DYNC2I2: variants seen among roughly 807,000 people sequenced by gnomAD.
DYNC2I2 encodes cytoplasmic dynein 2 intermediate chain 2.
In DYNC2I2, 39 loss-of-function variants were observed where a neutral mutation model predicts 52.0. The ratio of observed to expected loss-of-function variants is 0.75; its 90% CI spans 0.58 to 0.98. The LOEUF is 0.98. Ranked by LOEUF, DYNC2I2 falls within the 50% of genes least tolerant of loss-of-function variation. DYNC2I2 has a pLI of 0.00. For missense variants in DYNC2I2, 743 were observed against 728.4 expected (o/e 1.02, Z -0.23); for synonymous variants, 359 against 321.1 (o/e 1.12, Z -1.26).
At position 128,633,668 on chromosome 9, in the gene DYNC2I2, G is replaced by A. The variant is rs955048631; in HGVS notation, c.*76C>T. The A allele has an allele frequency of 5.4e-6, 8 of 1,494,542 alleles. No homozygotes were observed. The highest frequency in any genetic ancestry group is 7.3e-6 in the Non-Finnish European group (8 of 1,101,018). The allele number at this position is 1,494,542 out of a possible 1,614,324, so 92.6% of individuals were successfully genotyped here. On this transcript the variant is annotated 3_prime_UTR_variant, in exon 9 of 9. Coordinates refer to ENST00000372715, the MANE Select transcript of DYNC2I2 (RefSeq NM_052844.4). ...AAATGATGACTTCCCCCAAAGCTTT[G>A]CTTTTCTTCATTTGGCTTGCGTCAG...
At chr9:128,668,926 G>A in the DYNC2I2 span, among the ~76,000 whole-genome samples, 1 of 151,734 alleles carries the variant, frequency 6.6e-6, no homozygotes, top group Admixed American at 6.6e-5. Context: ...GCTAAGGAGT[G>A]TATAACAACT....
chr9:128,645,616 CAAAAAAAAAAAA>C lies in DYNC2I2; in HGVS notation c.187-4689_187-4678del, dbSNP rs59742854. On this transcript the variant is annotated intron_variant, in intron 1 of 8. Coordinates refer to ENST00000372715, the MANE Select transcript of DYNC2I2 (RefSeq NM_052844.4). ...TGGGCAACAAAGTGAGACTCCATCT[CAAAAAAAAAAAA>C]AAAAAAAAAAAAAAAGGTAAGCCAA... is the stretch of plus-strand genomic sequence containing the variant. 7.8e-5 allele frequency among the ~76,000 whole-genome samples: 5 copies of C among 63,954 alleles called. No homozygotes were observed. In the South Asian group the frequency reaches 3.7e-3, roughly 47 times the overall value. The allele number at this position is 63,954 out of a possible 152,430, so 42.0% of individuals were successfully genotyped here. A position where few individuals can be genotyped will look rare whatever the true frequency, so the allele number is the denominator to read the frequency against.
Position 128,656,700 on chromosome 9 carries a change from T to G in DYNC2I2, c.27A>C (p.Pro9=). 1 of 1,455,310 alleles carries G rather than the reference T, an allele frequency of 6.9e-7. No homozygotes were observed. Among genetic ancestry groups the G allele is most frequent in the Non-Finnish European group, 9.0e-7 (1 of 1,115,528 alleles). 90.1% of individuals were successfully genotyped at this position (1,455,310 alleles called of 1,614,324 possible). A position where few individuals can be genotyped will look rare whatever the true frequency, so the allele number is the denominator to read the frequency against. MATRAQPG[P]LSQAGSAGVA... ...CACCAGCGCTTCCCGCCTGGCTGAG[T>G]GGCCCCGGCTGCGCGCGGGTTGCCA... The change falls in exon 1 of 9, where the codon CCA becomes CCC. Residue 9 remains proline, a synonymous_variant. Coordinates refer to ENST00000372715, the MANE Select transcript of DYNC2I2 (RefSeq NM_052844.4).
chr9:128,681,079 G>C, the DYNC2I2 span, among the ~76,000 whole-genome samples: 1 of 152,070 alleles, frequency 6.6e-6, no homozygotes, highest in East Asian at 1.9e-4. Flanking sequence ...ATCATTCCGA[G>C]TACCAGTCAT....
chr9:128,678,198 T>A, the DYNC2I2 span, among the ~76,000 whole-genome samples: 3 of 150,962 alleles, frequency 2.0e-5, no homozygotes, highest in Non-Finnish European at 4.4e-5. Context: ...GCCTCCCGAG[T>A]AGCTAGGATT....
At chr9:128,661,304 C>CAAAAAAAA (rs34937317), upstream of DYNC2I2, among the ~76,000 whole-genome samples, 3 of 62,218 alleles carry the variant, frequency 4.8e-5, no homozygotes, top group Non-Finnish European at 1.1e-4. Context: ...GACTCCATCT[C>CAAAAAAAA]AAAAAAAAAA....
upstream of DYNC2I2, among the ~76,000 whole-genome samples, chr9:128,660,929 C>T (rs1860910381): frequency 6.6e-6 from 1 of 151,416 alleles, no homozygotes; most frequent in Admixed American, 6.6e-5. Context: ...GGGGTTTCAC[C>T]ATATTGGCCA....
At chr9:128,634,074 T>G in intron 8 of DYNC2I2, 92 bp from the exon 9 acceptor site, 1 of 1,558,940 alleles carries the variant, frequency 6.4e-7, no homozygotes, top group Non-Finnish European at 8.8e-7. Flanking sequence ...AATCCTGTTG[T>G]GTGCAGCCAC....
chr9:128,646,711 A>G (rs1043421962), intron 1 of DYNC2I2, among the ~76,000 whole-genome samples: 9 of 151,452 alleles, frequency 5.9e-5, no homozygotes, highest in Non-Finnish European at 1.2e-4. Context: ...AGGAAGGCAC[A>G]GTGGCTCATG....
Position 128,656,787 on chromosome 9 carries a change from CA to C in DYNC2I2, c.-62del. 7.6e-7 allele frequency: 1 copy of C among 1,308,822 alleles called. No individual in the cohort carries two copies. Among genetic ancestry groups the C allele is most frequent in the Non-Finnish European group, 9.7e-7 (1 of 1,026,642 alleles). The allele number at this position is 1,308,822 out of a possible 1,614,324, so 81.1% of individuals were successfully genotyped here. A position where few individuals can be genotyped will look rare whatever the true frequency, so the allele number is the denominator to read the frequency against. ...GGCGCGACCTCCGCCCCTACGCCGC[CA>C]TGAGCGGAAAACGGGGAATGTGAGG... On this transcript the variant is annotated 5_prime_UTR_variant, in exon 1 of 9. It removes an upstream start codon present in the reference 5' UTR. Transcript: ENST00000372715.
chr9:128,680,569 G>A, the DYNC2I2 span, among the ~76,000 whole-genome samples: 1 of 151,358 alleles, frequency 6.6e-6, no homozygotes, highest in Non-Finnish European at 1.5e-5. Flanking sequence ...AGTAGAGACG[G>A]GGTTTCACCG....
chr9:128,649,688 C>CAAAAAAAAAAAAAAAAAAAA lies in DYNC2I2; in HGVS notation c.186+6833_186+6852dup, dbSNP rs34154610. On this transcript the variant is annotated intron_variant, in intron 1 of 8. Coordinates refer to ENST00000372715, the MANE Select transcript of DYNC2I2 (RefSeq NM_052844.4). ...TGGGCAAGACAGTGAGACTCCATCT[C>CAAAAAAAAAAAAAAAAAAAA]AAAAAAAAAAAAAAAAAAAAACTGG... 2.8e-4 allele frequency among the ~76,000 whole-genome samples: 13 copies of CAAAAAAAAAAAAAAAAAAAA among 47,228 alleles called. 1 individual carries two copies. Among genetic ancestry groups the CAAAAAAAAAAAAAAAAAAAA allele is most frequent in the African/African-American group, 1.5e-3 (11 of 7,322 alleles). 31.0% of individuals were successfully genotyped at this position (47,228 alleles called of 152,430 possible). A position where few individuals can be genotyped will look rare whatever the true frequency, so the allele number is the denominator to read the frequency against.
chr9:128,677,081 C>CTCG, the DYNC2I2 span, among the ~76,000 whole-genome samples: 2 of 151,892 alleles, frequency 1.3e-5, no homozygotes, highest in African/African-American at 4.8e-5. Flanking sequence ...ATCTCCTGAC[C>CTCG]TCGTGATCCA....
the DYNC2I2 span, among the ~76,000 whole-genome samples, chr9:128,680,122 G>A: frequency 1.3e-5 from 2 of 151,854 alleles, no homozygotes; most frequent in Non-Finnish European, 2.9e-5. Flanking sequence ...GTGCAATGGT[G>A]TGACCTCGGC....
At chr9:128,642,398 C>T (rs1860531335) in intron 1 of DYNC2I2, among the ~76,000 whole-genome samples, 1 of 145,170 alleles carries the variant, frequency 6.9e-6, no homozygotes, top group African/African-American at 2.6e-5. Context: ...GGAGGTTGCA[C>T]TGAGCCGAGA....
At chr9:128,645,448 T>C (rs1860597171) in intron 1 of DYNC2I2, among the ~76,000 whole-genome samples, 1 of 143,564 alleles carries the variant, frequency 7.0e-6, no homozygotes. Context: ...TGAAACTCTG[T>C]CTCAAAAAAA....
chr9:128,634,946 G>C, intron 6 of DYNC2I2, 25 bp from the exon 7 acceptor site: 1 of 1,609,542 alleles, frequency 6.2e-7, no homozygotes, highest in South Asian at 1.1e-5. Flanking sequence ...CAGCAGCAGG[G>C]TCAGAGCCAA....
intron 1 of DYNC2I2, 64 bp downstream of exon 1, chr9:128,656,458 TGGGACGCCCGAACCCGCCC>T: frequency 8.8e-7 from 1 of 1,138,510 alleles, no homozygotes; most frequent in Non-Finnish European, 1.1e-6. Flanking sequence ...GCAGCCACGG[TGGGACGCCCGAACCCGCCC>T]GGCAGCCGCG....
chr9:128,638,847 A>G (rs1184998264), intron 2 of DYNC2I2, among the ~76,000 whole-genome samples: 1 of 152,212 alleles, frequency 6.6e-6, no homozygotes, highest in African/African-American at 2.4e-5. Flanking sequence ...ATGCAACACC[A>G]TGCAGCTGTA....
Sources: gnomAD v4.1 joint callset for allele counts (sites outside exome capture counted in the v4.1 genomes callset) on GRCh38, gnomAD v4.1.1 for gene constraint, MANE v1.5 for transcripts, NCBI Gene and HGNC (gene_info 2026-07-23, HGNC 2026-07-21) for gene names.